The following LHFPL3 variants were observed in gnomAD, a reference collection of about 807,000 sequenced individuals.
LHFPL3 encodes the protein LHFPL tetraspan subfamily member 3 protein.
In LHFPL3, 5 loss-of-function variants were observed where a neutral mutation model predicts 19.3. That is an observed-to-expected ratio of 0.26 (90% confidence interval 0.14 to 0.54). The LOEUF (loss-of-function observed/expected upper bound fraction) is 0.54. Among genes scored for constraint, LHFPL3 ranks in the 20% least tolerant of loss-of-function variants. LHFPL3 has a pLI of 0.94. For synonymous variants in LHFPL3, 133 were observed against 126.2 expected (o/e 1.05, Z -0.36); for missense variants, 249 against 307.4 (o/e 0.81, Z 1.42).
At chr7:104,333,857 G>A (rs2891692) in intron 1 of LHFPL3, among the ~76,000 whole-genome samples, 100,386 of 152,096 alleles carry the variant, frequency 0.66, 33,908 homozygotes, top group East Asian at 0.85. Flanking sequence ...GTTTTTCTTT[G>A]TACAGCATAG....
At chr7:104,715,437 T>C (rs1793368873) in intron 1 of LHFPL3, among the ~76,000 whole-genome samples, 1 of 152,238 alleles carries the variant, frequency 6.6e-6, no homozygotes, top group African/African-American at 2.4e-5. Flanking sequence ...TCAAGTACTA[T>C]GTTAAATAGA....
chr7:104,841,990 T>A, intron 2 of LHFPL3, among the ~76,000 whole-genome samples: 1 of 151,898 alleles, frequency 6.6e-6, no homozygotes, highest in Non-Finnish European at 1.5e-5. Flanking sequence ...CCACTTCCTG[T>A]CCTGCCCTTT....
intron 1 of LHFPL3, among the ~76,000 whole-genome samples, chr7:104,435,517 A>T (rs1792086405): frequency 6.6e-6 from 1 of 150,856 alleles, no homozygotes; most frequent in Non-Finnish European, 1.5e-5. Context: ...TTTTTATAAA[A>T]AAAGTCATTT....
intron 2 of LHFPL3, among the ~76,000 whole-genome samples, chr7:104,889,143 A>G (rs1313763939): frequency 6.6e-6 from 1 of 152,256 alleles, no homozygotes; most frequent in African/African-American, 2.4e-5. Flanking sequence ...AAGACTCAAC[A>G]TATAGTGTCT....
intron 1 of LHFPL3, among the ~76,000 whole-genome samples, chr7:104,386,909 C>A (rs951551862): frequency 7.2e-5 from 11 of 152,238 alleles, no homozygotes; most frequent in African/African-American, 2.6e-4. Context: ...ATTTTTAAAG[C>A]TGCCACATTG....
intron 1 of LHFPL3, among the ~76,000 whole-genome samples, chr7:104,694,763 A>G (rs531725692): frequency 2.0e-4 from 30 of 152,362 alleles, no homozygotes; most frequent in African/African-American, 4.1e-4. Flanking sequence ...AGGCAGATAT[A>G]TTAGAGAAGG....
intron 1 of LHFPL3, among the ~76,000 whole-genome samples, chr7:104,460,398 T>C (rs1237517728): frequency 6.6e-6 from 1 of 152,232 alleles, no homozygotes; most frequent in Non-Finnish European, 1.5e-5. Flanking sequence ...GTAGTAGTTC[T>C]ATTTTTGGCT....
intron 2 of LHFPL3, among the ~76,000 whole-genome samples, chr7:104,824,583 A>T (rs1360617922): frequency 1.3e-5 from 1 of 75,562 alleles, no homozygotes; most frequent in Non-Finnish European, 2.3e-5. Flanking sequence ...TTTATATATA[A>T]TATATATAAT....
chr7:104,737,111 T>C (rs1793841273), intron 2 of LHFPL3, among the ~76,000 whole-genome samples, 200 bp downstream of exon 2: 1 of 151,424 alleles, frequency 6.6e-6, no homozygotes, highest in South Asian at 2.1e-4. Context: ...TACTTACTTA[T>C]CTTTCTGAAA....
chr7:104,451,913 T>G (rs1792446949), intron 1 of LHFPL3, among the ~76,000 whole-genome samples: 2 of 151,838 alleles, frequency 1.3e-5, no homozygotes, highest in Admixed American at 1.3e-4. Context: ...CCTGGCTAAT[T>G]TTTTGTATTT....
At chr7:104,414,976 T>C (rs1332320556) in intron 1 of LHFPL3, among the ~76,000 whole-genome samples, 2 of 152,206 alleles carry the variant, frequency 1.3e-5, no homozygotes, top group African/African-American at 4.8e-5. Context: ...AGAAAACAAA[T>C]TGCGCATATA....
intron 1 of LHFPL3, among the ~76,000 whole-genome samples, chr7:104,556,469 T>A (rs1789837409): frequency 6.6e-6 from 1 of 152,212 alleles, no homozygotes; most frequent in Non-Finnish European, 1.5e-5. Context: ...CAGCCTAAAC[T>A]GTACCTTGGC....
intron 1 of LHFPL3, among the ~76,000 whole-genome samples, chr7:104,361,015 A>C (rs1438274234): frequency 6.6e-6 from 1 of 152,230 alleles, no homozygotes; most frequent in Admixed American, 6.5e-5. Flanking sequence ...GTGGCATGTG[A>C]AAATGACAAG....
chr7:104,514,409 G>A (rs748197214), intron 1 of LHFPL3, among the ~76,000 whole-genome samples: 12 of 152,068 alleles, frequency 7.9e-5, no homozygotes, highest in African/African-American at 1.9e-4. Context: ...TAAACTCCAC[G>A]AGGGAAGAAA....
At chr7:104,333,231 T>C (rs1194269383) in intron 1 of LHFPL3, among the ~76,000 whole-genome samples, 2 of 152,216 alleles carry the variant, frequency 1.3e-5, no homozygotes, top group Non-Finnish European at 2.9e-5. Flanking sequence ...CAGAAGCCCA[T>C]GTGTTCACCA....
chr7:104,497,639 AAAGG>A (rs987021909), intron 1 of LHFPL3, among the ~76,000 whole-genome samples: 14 of 151,754 alleles, frequency 9.2e-5, no homozygotes, highest in African/African-American at 3.2e-4. Flanking sequence ...AAAAAAAAAA[AAAGG>A]AGGAAAGGAG....
At chr7:104,562,420 C>G (rs1308636109) in intron 1 of LHFPL3, among the ~76,000 whole-genome samples, 3 of 152,194 alleles carry the variant, frequency 2.0e-5, no homozygotes, top group African/African-American at 7.2e-5. Flanking sequence ...CTTCTCGCTT[C>G]ATTTCATTCA....
At chr7:104,695,869 G>T (rs1408281907) in intron 1 of LHFPL3, among the ~76,000 whole-genome samples, 1 of 152,224 alleles carries the variant, frequency 6.6e-6, no homozygotes, top group African/African-American at 2.4e-5. Context: ...CTTGGGCTCA[G>T]ATCCTTGCTC....
chr7:104,595,589 C>T (rs1391197504), intron 1 of LHFPL3, among the ~76,000 whole-genome samples: 2 of 152,244 alleles, frequency 1.3e-5, no homozygotes. Flanking sequence ...CCACTGCTCT[C>T]TTCAGAGCTG....
Sources: allele counts gnomAD v4.1 joint callset (sites outside exome capture counted in the v4.1 genomes callset), GRCh38; gene constraint gnomAD v4.1.1; transcripts MANE v1.5; gene names NCBI Gene and HGNC (gene_info 2026-07-23, HGNC 2026-07-21).